The following AGMO variants were observed in gnomAD, a reference collection of about 807,000 sequenced individuals.
The protein encoded by AGMO is glyceryl-ether monooxygenase.
Under a neutral mutation model 60.2 loss-of-function variants are expected in AGMO, and 75 were observed. That is an observed-to-expected ratio of 1.25 (90% CI 1.03 to 1.51). AGMO has a LOEUF of 1.51. Among genes scored for constraint, AGMO ranks in the 40% most tolerant of loss-of-function variants. AGMO has a pLI of 0.00. For synonymous variants in AGMO, 261 were observed against 177.1 expected, an observed-to-expected ratio of 1.47 and a Z score of -3.76; for missense variants, 763 against 525.5, an observed-to-expected ratio of 1.45 and a Z score of -4.42.
rs556742461 is a variant in AGMO at position 15,513,328 on chromosome 7, T to C, written c.409+31444A>G. 3.3e-5 allele frequency among the ~76,000 whole-genome samples: 5 copies of C among 152,222 alleles called. No homozygotes were observed. The South Asian group carries it at 1.0e-3, about 32-fold the overall frequency. On this transcript the variant is annotated intron_variant, in intron 3 of 12. Transcript: ENST00000342526. ...AATGTTGTGGATACACCTGGCATTG[T>C]GGATTTTGACTATAATTATCTGTTC...
chr7:15,515,388 C>A (rs964302997), intron 3 of AGMO, among the ~76,000 whole-genome samples: 2 of 152,160 alleles, frequency 1.3e-5, no homozygotes, highest in South Asian at 4.1e-4. Context: ...AGAACCCAAA[C>A]GGTTCCTTTC....
At chr7:15,267,980 T>C (rs1162699687) in intron 12 of AGMO, among the ~76,000 whole-genome samples, 1 of 151,974 alleles carries the variant, frequency 6.6e-6, no homozygotes, top group African/African-American at 2.4e-5. Flanking sequence ...GTTATCCATC[T>C]CAAAACTGTT....
chr7:15,378,528 A>G (rs746117609), intron 10 of AGMO, among the ~76,000 whole-genome samples: 11 of 151,994 alleles, frequency 7.2e-5, no homozygotes, highest in Admixed American at 7.2e-4. Context: ...CCAACACAGG[A>G]GCACCCAGAT....
the AGMO span, among the ~76,000 whole-genome samples, chr7:15,127,177 C>T: frequency 3.9e-5 from 6 of 152,202 alleles, no homozygotes; most frequent in Middle Eastern, 0.01. Context: ...CTGACCACCT[C>T]GGGCACATGT....
the AGMO span, among the ~76,000 whole-genome samples, chr7:15,135,601 T>C: frequency 6.1e-3 from 933 of 152,284 alleles, 2 homozygotes; most frequent in Non-Finnish European, 0.01. Flanking sequence ...ATTAATATAG[T>C]AGTATATCAA....
intron 2 of AGMO, among the ~76,000 whole-genome samples, chr7:15,546,969 G>C (rs1363090923): frequency 6.6e-6 from 1 of 151,946 alleles, no homozygotes; most frequent in Non-Finnish European, 1.5e-5. Flanking sequence ...CATTAGTAAG[G>C]GTTACCCATA....
chr7:15,191,058 A>T, the AGMO span, among the ~76,000 whole-genome samples: 1 of 152,150 alleles, frequency 6.6e-6, no homozygotes, highest in African/African-American at 2.4e-5. Flanking sequence ...TACTTACTAT[A>T]TGTGTGCTGA....
At chr7:15,280,026 T>G (rs944331905) in intron 12 of AGMO, among the ~76,000 whole-genome samples, 3 of 152,112 alleles carry the variant, frequency 2.0e-5, no homozygotes, top group Non-Finnish European at 2.9e-5. Context: ...CAGCTGAAAT[T>G]AGTGATATAA....
intron 3 of AGMO, among the ~76,000 whole-genome samples, chr7:15,533,244 C>G (rs1375200909): frequency 6.6e-6 from 1 of 151,910 alleles, no homozygotes; most frequent in East Asian, 1.9e-4. Context: ...TGTATTTATT[C>G]TTATTTATCT....
the AGMO span, among the ~76,000 whole-genome samples, chr7:15,121,846 A>C: frequency 6.6e-6 from 1 of 152,092 alleles, no homozygotes; most frequent in Non-Finnish European, 1.5e-5. Flanking sequence ...GGTGCTGGAA[A>C]AACTGGCTAG....
intron 12 of AGMO, among the ~76,000 whole-genome samples, chr7:15,248,215 T>C (rs1298606411): frequency 1.2e-5 from 1 of 86,432 alleles, no homozygotes; most frequent in Non-Finnish European, 2.6e-5. Context: ...TATATATATA[T>C]ATATATATAT....
chr7:15,284,534 C>T (rs1784051132), intron 12 of AGMO, among the ~76,000 whole-genome samples: 1 of 151,800 alleles, frequency 6.6e-6, no homozygotes, highest in Non-Finnish European at 1.5e-5. Flanking sequence ...GAAATACAAA[C>T]CCTGAACACA....
chr7:15,136,859 G>A, the AGMO span, among the ~76,000 whole-genome samples: 3 of 151,960 alleles, frequency 2.0e-5, no homozygotes, highest in Non-Finnish European at 4.4e-5. Context: ...CTGTGGGATG[G>A]TTTACCTTCT....
downstream of AGMO, among the ~76,000 whole-genome samples, chr7:15,196,041 C>T (rs545151860): frequency 4.0e-5 from 6 of 151,686 alleles, no homozygotes; most frequent in African/African-American, 1.5e-4. Context: ...CCCTCCTCTC[C>T]CCTCCCCTCT....
intron 12 of AGMO, among the ~76,000 whole-genome samples, chr7:15,295,277 A>C (rs1372958963): frequency 1.3e-5 from 2 of 152,042 alleles, no homozygotes; most frequent in Non-Finnish European, 2.9e-5. Context: ...GCCTACAAAG[A>C]GAAATGTATC....
At chr7:15,314,931 A>C (rs780271471) in intron 12 of AGMO, among the ~76,000 whole-genome samples, 84 of 152,208 alleles carry the variant, frequency 5.5e-4, no homozygotes, top group Non-Finnish European at 1.5e-4. Flanking sequence ...AGGATTTGGC[A>C]CATCATTGCT....
chr7:15,135,969 T>TTTTTC, the AGMO span, among the ~76,000 whole-genome samples: 1 of 114,074 alleles, frequency 8.8e-6, no homozygotes, highest in African/African-American at 2.9e-5. Flanking sequence ...AATATTATAT[T>TTTTTC]TTTTCTTTTC....
At chr7:15,210,360 A>C (rs1447478494) in intron 12 of AGMO, among the ~76,000 whole-genome samples, 1 of 152,184 alleles carries the variant, frequency 6.6e-6, no homozygotes, top group African/African-American at 2.4e-5. Context: ...AATAGTACAT[A>C]AGATCCTCTG....
At chr7:15,395,981 G>C (rs867791609) in intron 5 of AGMO, 6 of 152,154 alleles carry the variant, frequency 3.9e-5, no homozygotes, top group Non-Finnish European at 7.3e-5. Context: ...TATCAAAGCG[G>C]ATCCTTCTCT....
Sources: gnomAD v4.1 joint callset for allele counts (sites outside exome capture counted in the v4.1 genomes callset) on GRCh38, gnomAD v4.1.1 for gene constraint, MANE v1.5 for transcripts, NCBI Gene and HGNC (gene_info 2026-07-23, HGNC 2026-07-21) for gene names.